The following PDE1C variants were observed in gnomAD, a reference collection of about 807,000 sequenced individuals.
PDE1C encodes dual specificity calcium/calmodulin-dependent 3',5'-cyclic nucleotide phosphodiesterase 1C.
PDE1C carries 62 observed loss-of-function variants against 93.1 expected under a neutral mutation model. The observed-to-expected ratio is 0.67, with a 90% CI of 0.54 to 0.82. The LOEUF (loss-of-function observed/expected upper bound fraction) is 0.82, where lower values mean the gene tolerates loss of function less well. PDE1C is among the 40% of genes least tolerant of loss of function. The probability of loss-of-function intolerance (pLI) is 0.00; values close to 1 mark genes in which losing one functional copy is unlikely to be tolerated. For missense variants in PDE1C, 742 were observed against 884.6 expected (o/e 0.84, Z 2.04); for synonymous variants, 325 against 310.1 (o/e 1.05, Z -0.50).
chr7:32,130,639 A>T (rs78172769), intron 3 of PDE1C, among the ~76,000 whole-genome samples: 8,622 of 151,356 alleles, frequency 0.057, 332 homozygotes, highest in Middle Eastern at 0.095. Context: ...CATCTTACAA[A>T]CTCTTCTTGT....
At chr7:31,737,352 T>C in the PDE1C span, among the ~76,000 whole-genome samples, 1 of 152,174 alleles carries the variant, frequency 6.6e-6, no homozygotes. Flanking sequence ...TTAACCTAGT[T>C]TGGTCTCTTT....
chr7:31,635,379 C>T, the PDE1C span, among the ~76,000 whole-genome samples: 1 of 152,162 alleles, frequency 6.6e-6, no homozygotes, highest in African/African-American at 2.4e-5. Context: ...GACATGCAGG[C>T]ATTTCACTTC....
intron 14 of PDE1C, among the ~76,000 whole-genome samples, chr7:31,817,880 T>C (rs1788462201): frequency 6.6e-6 from 1 of 152,160 alleles, no homozygotes; most frequent in South Asian, 2.1e-4. Context: ...TGAAAGTCTA[T>C]GATATCTTGT....
At chr7:31,892,880 T>C (rs919483304) in intron 2 of PDE1C, among the ~76,000 whole-genome samples, 1 of 152,168 alleles carries the variant, frequency 6.6e-6, no homozygotes, top group Non-Finnish European at 1.5e-5. Flanking sequence ...TAATATATTA[T>C]GTATTTCAAA....
chr7:31,874,227 TA>T (rs1437327120), intron 5 of PDE1C, among the ~76,000 whole-genome samples: 2 of 152,234 alleles, frequency 1.3e-5, no homozygotes, highest in African/African-American at 4.8e-5. Flanking sequence ...TCTTTGCCTG[TA>T]AATAGCTACT....
At chr7:32,051,642 G>A (rs1038659317) in intron 1 of PDE1C, 62 bp from the exon 2 acceptor site, 1 of 1,433,654 alleles carries the variant, frequency 7.0e-7, no homozygotes, top group South Asian at 1.1e-5. Context: ...GGTAAGAAAG[G>A]GATTACTTCA....
intron 2 of PDE1C, among the ~76,000 whole-genome samples, chr7:32,024,590 T>C (rs1309587360): frequency 6.6e-6 from 1 of 152,134 alleles, no homozygotes; most frequent in Non-Finnish European, 1.5e-5. Context: ...TGAAATTATT[T>C]TCTCCTCCTT....
chr7:31,856,337 G>A (rs888120491), intron 7 of PDE1C, among the ~76,000 whole-genome samples: 3 of 152,218 alleles, frequency 2.0e-5, no homozygotes, highest in African/African-American at 7.2e-5. Flanking sequence ...GTAGGAAATA[G>A]TTTCTATATT....
At chr7:31,988,172 C>T (rs1783661701) in intron 2 of PDE1C, among the ~76,000 whole-genome samples, 1 of 152,208 alleles carries the variant, frequency 6.6e-6, no homozygotes, top group Non-Finnish European at 1.5e-5. Flanking sequence ...CCTGCTGGGT[C>T]AGGCCCCCCA....
At chr7:31,717,670 A>T in the PDE1C span, among the ~76,000 whole-genome samples, 1 of 152,256 alleles carries the variant, frequency 6.6e-6, no homozygotes, top group Non-Finnish European at 1.5e-5. Flanking sequence ...CCAAAAATTA[A>T]GCAGGTTCTC....
chr7:32,081,199 G>A (rs915273059), intron 3 of PDE1C, among the ~76,000 whole-genome samples: 1 of 152,170 alleles, frequency 6.6e-6, no homozygotes, highest in Non-Finnish European at 1.5e-5. Flanking sequence ...ATGGGATTTA[G>A]GAAGCACTTG....
At chr7:31,892,202 G>A (rs1798730777) in intron 2 of PDE1C, among the ~76,000 whole-genome samples, 1 of 152,180 alleles carries the variant, frequency 6.6e-6, no homozygotes, top group Non-Finnish European at 1.5e-5. Flanking sequence ...GCAGCAGTAA[G>A]AGAGTTAGGG....
At chr7:32,201,194 C>G (rs1804986308) in intron 2 of PDE1C, among the ~76,000 whole-genome samples, 1 of 152,220 alleles carries the variant, frequency 6.6e-6, no homozygotes, top group Non-Finnish European at 1.5e-5. Context: ...AAACATTTCA[C>G]TCAGCATTTC....
intron 1 of PDE1C, among the ~76,000 whole-genome samples, chr7:32,419,570 G>A (rs190505471): frequency 1.8e-4 from 27 of 152,240 alleles, no homozygotes; most frequent in Non-Finnish European, 2.9e-4. Context: ...TGGAGGGCAC[G>A]GCAGGCTCCT....
rs1795345813 is a variant in PDE1C, at chr7:31,769,493, C to CT, written c.1960+6170dup. Among the ~76,000 whole-genome samples, 3 of 152,274 alleles carry CT rather than the reference C, an allele frequency of 2.0e-5. No individual in the cohort carries two copies. The South Asian group carries it at 6.2e-4, about 32-fold the overall frequency. On this transcript the variant is annotated intron_variant, in intron 17 of 17. Coordinates refer to ENST00000396191, the MANE Select transcript of PDE1C (RefSeq NM_001191057.4). ...CTTTACTTCTGGGAAATTATTACCT[C>CT]TTTGTTGAAATATTGCTTTCCCACA...
At chr7:32,406,379 C>T (rs190673916) in intron 1 of PDE1C, among the ~76,000 whole-genome samples, 1 of 152,004 alleles carries the variant, frequency 6.6e-6, no homozygotes, top group African/African-American at 2.4e-5. Context: ...ACAGAGAGAA[C>T]AATTAAGAGG....
At chr7:32,173,381 G>A (rs532090683) in intron 2 of PDE1C, among the ~76,000 whole-genome samples, 2 of 152,056 alleles carry the variant, frequency 1.3e-5, no homozygotes, top group South Asian at 4.2e-4. Flanking sequence ...TTTAGGGGAG[G>A]GAGCTTACAG....
chr7:32,172,563 C>T (rs1802715655), intron 2 of PDE1C, among the ~76,000 whole-genome samples: 1 of 152,150 alleles, frequency 6.6e-6, no homozygotes, highest in Non-Finnish European at 1.5e-5. Context: ...TGGCTCACGC[C>T]TGTAATCCCA....
chr7:32,304,636 A>G (rs1812952943), intron 1 of PDE1C, among the ~76,000 whole-genome samples: 1 of 152,168 alleles, frequency 6.6e-6, no homozygotes, highest in African/African-American at 2.4e-5. Flanking sequence ...TAACTTTTAA[A>G]ATTAATAAAA....
Sources: gnomAD v4.1 joint callset for allele counts (sites outside exome capture counted in the v4.1 genomes callset) on GRCh38, gnomAD v4.1.1 for gene constraint, MANE v1.5 for transcripts, NCBI Gene and HGNC (gene_info 2026-07-23, HGNC 2026-07-21) for gene names.